SC5D: variants seen among roughly 807,000 people sequenced by gnomAD.
SC5D encodes sterol-C5-desaturase.
In SC5D, 21 loss-of-function variants were observed where a neutral mutation model predicts 23.9. The observed-to-expected ratio is 0.88, with a 90% CI of 0.62 to 1.26. The LOEUF is 1.26. SC5D is among the 50% of genes most tolerant of loss of function. The pLI is 0.00. For missense variants in SC5D, 309 were observed against 364.8 expected, an observed-to-expected ratio of 0.85 and a Z score of 1.25; for synonymous variants, 113 against 125.9, an observed-to-expected ratio of 0.90 and a Z score of 0.68.
chr11:121,303,682 A>T lies in SC5D; in HGVS notation c.210+97A>T, dbSNP rs575733720. The T allele has an allele frequency of 1.0e-3, 1,058 of 1,024,876 alleles. 9 individuals carry two copies. Among genetic ancestry groups the T allele is most frequent in the Middle Eastern group, 5.0e-3 (16 of 3,170 alleles). 63.5% of individuals were successfully genotyped at this position (1,024,876 alleles called of 1,614,324 possible). A position where few individuals can be genotyped will look rare whatever the true frequency, so the allele number is the denominator to read the frequency against. ...TAGATTAAGCTGATTATATGTAACCATTAAATAAAATTTTGGAGACCAACC... is the reference window on the plus strand; with the variant it reads ...TAGATTAAGCTGATTATATGTAACCTTTAAATAAAATTTTGGAGACCAACC... On this transcript the variant is annotated intron_variant, in intron 2 of 4. Transcript: ENST00000264027.
chr11:121,293,797 T>C (rs1362834289), intron 1 of SC5D, among the ~76,000 whole-genome samples: 1 of 152,220 alleles, frequency 6.6e-6, no homozygotes, highest in Non-Finnish European at 1.5e-5. Context: ...TGTAATTAAT[T>C]AGCATGGGGT....
chr11:121,305,762 T>TTATATAC (rs1591504994), intron 3 of SC5D: 1 of 151,848 alleles, frequency 6.6e-6, no homozygotes, highest in East Asian at 1.9e-4. Flanking sequence ...GAACAAAAAA[T>TTATATAC]TATATACTAG....
Position 121,303,594 on chromosome 11 carries a change from TG to T in SC5D, c.210+10del. The T allele has an allele frequency of 6.4e-7, 1 of 1,560,884 alleles. No individual in the cohort carries two copies. Among genetic ancestry groups the T allele is most frequent in the Non-Finnish European group, 8.8e-7 (1 of 1,132,214 alleles). On this transcript the variant is annotated intron_variant, in intron 2 of 4. Coordinates refer to ENST00000264027, the MANE Select transcript of SC5D (RefSeq NM_006918.5). ...ATCCACAATTTTTAAAGGTAAGAAA[TG>T]TTTTTACCTATTTTCTAACGATTAA...
chr11:121,294,675 A>G (rs970092046), intron 1 of SC5D, among the ~76,000 whole-genome samples: 1 of 152,220 alleles, frequency 6.6e-6, no homozygotes, highest in Non-Finnish European at 1.5e-5. Context: ...CTTAACAGTG[A>G]TAATCATATA....
rs778722898 is a variant in SC5D, at chr11:121,307,555, A to C, written c.*43A>C. On this transcript the variant is annotated 3_prime_UTR_variant, in exon 5 of 5. Coordinates refer to ENST00000264027, the MANE Select transcript of SC5D (RefSeq NM_006918.5). ...CTTAAGTAAGGACAAAGAAGGAAAT[A>C]TCATCGTATTTCTTTTTTTTAATAA... The C allele has an allele frequency of 7.6e-7, 1 of 1,322,546 alleles. No individual in the cohort carries two copies. Among genetic ancestry groups the C allele is most frequent in the Non-Finnish European group, 1.1e-6 (1 of 949,688 alleles). 81.9% of individuals were successfully genotyped at this position (1,322,546 alleles called of 1,614,324 possible).
At chr11:121,305,811 T>C (rs567050739) in intron 3 of SC5D, 2 of 154,076 alleles carry the variant, frequency 1.3e-5, no homozygotes, top group African/African-American at 4.8e-5. Flanking sequence ...TGGATATGAT[T>C]ATGAGTTAAA....
At position 121,309,565 on chromosome 11, in the gene SC5D, A is replaced by G. The variant is rs1313265940; in HGVS notation, c.*2053A>G. On this transcript the variant is annotated 3_prime_UTR_variant, in exon 5 of 5. Transcript: ENST00000264027. ...AATCATCTCAGTGTCTTTAATTCTTAACTCCAATATGAATGTTTAAAGCTT... is the reference window on the plus strand; with the variant it reads ...AATCATCTCAGTGTCTTTAATTCTTGACTCCAATATGAATGTTTAAAGCTT... 6.6e-6 allele frequency among the ~76,000 whole-genome samples: 1 copy of G among 152,178 alleles called. No individual in the cohort carries two copies. Among genetic ancestry groups the G allele is most frequent in the East Asian group, 1.9e-4 (1 of 5,194 alleles).
At chr11:121,294,915 T>A (rs1410087312) in intron 1 of SC5D, among the ~76,000 whole-genome samples, 2 of 152,244 alleles carry the variant, frequency 1.3e-5, no homozygotes, top group African/African-American at 4.8e-5. Flanking sequence ...TAAATGTTTA[T>A]GTTATCTGAT....
chr11:121,302,195 C>T (rs775100424), intron 1 of SC5D, among the ~76,000 whole-genome samples: 2 of 152,158 alleles, frequency 1.3e-5, no homozygotes, highest in Non-Finnish European at 2.9e-5. Flanking sequence ...TATTTTGTTT[C>T]ATGAATTGAT....
chr11:121,307,286 G>T lies in SC5D; in HGVS notation c.674G>T (p.Gly225Val). Residue 225 changes from glycine to valine, a missense_variant, in exon 5 of 5, where the codon GGC becomes GTC. Coordinates refer to ENST00000264027, the MANE Select transcript of SC5D (RefSeq NM_006918.5). ...CAAATCTTACAGCCATTTATTAATG[G>T]CTCAGCTCATCATACAGACCACCAT... ...VPQILQPFIN[G>V]SAHHTDHHMF... The T allele has an allele frequency of 6.2e-7, 1 of 1,613,972 alleles. No individual in the cohort carries two copies. Among genetic ancestry groups the T allele is most frequent in the African/African-American group, 1.3e-5 (1 of 74,992 alleles).
intron 2 of SC5D, 73 bp from the exon 3 acceptor site, chr11:121,304,288 C>G (rs1009876112): frequency 2.1e-6 from 3 of 1,417,274 alleles, no homozygotes; most frequent in Non-Finnish European, 3.0e-6. Context: ...AAAATCCAGT[C>G]CAGAACAGTT....
rs113641827 is a variant in SC5D, at chr11:121,299,819, G to A, written c.-10-3547G>A. Among the ~76,000 whole-genome samples, 717 of 152,286 alleles carry A rather than the reference G, an allele frequency of 4.7e-3. 6 individuals are homozygous for A. Among genetic ancestry groups the A allele is most frequent in the Middle Eastern group, 0.031 (9 of 294 alleles). ...TGAGTCAGAAGGATCACTTGAGCCC[G>A]GGAGGCAGAGGTTGCAGTGAGCTGA... On this transcript the variant is annotated intron_variant, in intron 1 of 4. Transcript: ENST00000264027.
chr11:121,294,021 A>G (rs1004765440), intron 1 of SC5D, among the ~76,000 whole-genome samples: 3 of 152,214 alleles, frequency 2.0e-5, no homozygotes, highest in African/African-American at 7.2e-5. Context: ...TAGGGATTAG[A>G]TGAGGTTATA....
In SC5D at chr11:121,307,611, C is replaced by A; in HGVS notation, c.*99C>A. 1 of 782,134 alleles carries A rather than the reference C, an allele frequency of 1.3e-6. No homozygotes were observed. The highest frequency in any genetic ancestry group is 1.8e-5 in the South Asian group (1 of 54,364). The allele number at this position is 782,134 out of a possible 1,614,324, so 48.4% of individuals were successfully genotyped here. A position where few individuals can be genotyped will look rare whatever the true frequency, so the allele number is the denominator to read the frequency against. ...AAATAATATCCATACAGTCAAGATACATAGTAAATGGTATCATTTGGAAAT... is the reference window on the plus strand; with the variant it reads ...AAATAATATCCATACAGTCAAGATAAATAGTAAATGGTATCATTTGGAAAT... On this transcript the variant is annotated 3_prime_UTR_variant, in exon 5 of 5. Coordinates refer to ENST00000264027, the MANE Select transcript of SC5D (RefSeq NM_006918.5).
chr11:121,298,223 C>A (rs1285134185), intron 1 of SC5D, among the ~76,000 whole-genome samples: 3 of 152,146 alleles, frequency 2.0e-5, no homozygotes, highest in Non-Finnish European at 2.9e-5. Context: ...GTTCTCCAAC[C>A]TCTGAGCTCA....
chr11:121,303,750 C>T (rs1455043982), intron 2 of SC5D, 165 bp downstream of exon 2: 8 of 606,268 alleles, frequency 1.3e-5, no homozygotes, highest in Non-Finnish European at 2.0e-5. Context: ...TCCCTGCTCT[C>T]CTTCCCTTAG....
At chr11:121,306,977 C>T in intron 4 of SC5D, 80 bp from the exon 5 acceptor site, 7 of 1,194,450 alleles carry the variant, frequency 5.9e-6, no homozygotes. Flanking sequence ...TAGGTTGTTT[C>T]CAACATGAGT....
chr11:121,310,093 G>A lies in SC5D; in HGVS notation c.*2581G>A, dbSNP rs755397926. On this transcript the variant is annotated 3_prime_UTR_variant, in exon 5 of 5. Transcript: ENST00000264027. ...TTTGGAAGAGAATTACACAAGTTCAGTTTTTTGATACATGGATTTTACAGT... is the reference window on the plus strand; with the variant it reads ...TTTGGAAGAGAATTACACAAGTTCAATTTTTTGATACATGGATTTTACAGT... Among the ~76,000 whole-genome samples the A allele has an allele frequency of 6.6e-6, 1 of 152,162 alleles. No individual in the cohort carries two copies. Among genetic ancestry groups the A allele is most frequent in the Admixed American group, 6.5e-5 (1 of 15,280 alleles).
rs1250786427 is a variant in SC5D, at chr11:121,307,325, A to G, written c.713A>G (p.Tyr238Cys). Reference protein sequence around the residue: ...HHTDHHMFFDYNYGQYFTLWD... With the variant: ...HHTDHHMFFDCNYGQYFTLWD... ...ACAGACCACCATATGTTCTTTGACT[A>G]TAATTATGGACAATATTTCACTTTG... is the stretch of plus-strand genomic sequence containing the variant. The change falls in exon 5 of 5, where the codon TAT becomes TGT. Residue 238 changes from tyrosine to cysteine, a missense_variant. Transcript: ENST00000264027. 4.3e-6 allele frequency: 7 copies of G among 1,614,058 alleles called. No homozygotes were observed. In the East Asian group the frequency reaches 8.9e-5, roughly 21 times the overall value.
Sources: gnomAD v4.1 joint callset for allele counts (sites outside exome capture counted in the v4.1 genomes callset) on GRCh38, gnomAD v4.1.1 for gene constraint, MANE v1.5 for transcripts, NCBI Gene and HGNC (gene_info 2026-07-23, HGNC 2026-07-21) for gene names.